RASL12: variants seen among roughly 807,000 people sequenced by gnomAD.
RASL12 encodes the protein ras-like protein family member 12.
A neutral mutation model predicts 22.9 loss-of-function variants in RASL12; 16 were observed. The observed-to-expected ratio is 0.70, with a 90% confidence interval of 0.47 to 1.06. The LOEUF is 1.06. RASL12 is among the 50% of genes least tolerant of loss of function. The probability of loss-of-function intolerance (pLI) is 0.00; values close to 1 mark genes in which losing one functional copy is unlikely to be tolerated. For synonymous variants in RASL12, 159 were observed against 152.2 expected (o/e 1.04, Z -0.33); for missense variants, 306 against 353.1 (o/e 0.87, Z 1.07).
In RASL12 at chr15:65,054,714, G is replaced by A. The variant is rs1206868353; in HGVS notation, c.*185C>T. The A allele has an allele frequency of 3.1e-5, 44 of 1,424,760 alleles. No individual in the cohort carries two copies. The East Asian group carries it at 1.1e-3, about 36-fold the overall frequency. 88.3% of individuals were successfully genotyped at this position (1,424,760 alleles called of 1,614,324 possible). ...TTACCATGAAGACCAAGGCCTGGAGGGAACAGAAGCAGCATCCCTGCCTGC... is the reference window on the plus strand; with the variant it reads ...TTACCATGAAGACCAAGGCCTGGAGAGAACAGAAGCAGCATCCCTGCCTGC... On this transcript the variant is annotated 3_prime_UTR_variant, in exon 5 of 5. Coordinates refer to ENST00000220062, the MANE Select transcript of RASL12 (RefSeq NM_016563.4).
chr15:65,068,476 C>T (rs543421347), upstream of RASL12, among the ~76,000 whole-genome samples: 1 of 152,292 alleles, frequency 6.6e-6, no homozygotes, highest in East Asian at 1.9e-4. This position sits in a 1 kb window ranked among gnomAD's most constrained non-coding sequence, Gnocchi z 4.2. Context: ...CACTGCAGAA[C>T]CCATTCGGAA....
intron 1 of RASL12, chr15:65,076,486 G>C (rs1366058054): frequency 1.0e-5 from 7 of 670,978 alleles, no homozygotes; most frequent in Non-Finnish European, 2.7e-6. Flanking sequence ...ACATCAGAAA[G>C]GACAGACTCC....
chr15:65,071,158 G>C (rs1327797615), upstream of RASL12, among the ~76,000 whole-genome samples: 1 of 152,226 alleles, frequency 6.6e-6, no homozygotes, highest in Non-Finnish European at 1.5e-5. Flanking sequence ...TAGCGCCCCA[G>C]AGAGTCTACT....
At chr15:65,075,029 G>A (rs1274940257) in intron 1 of RASL12, among the ~76,000 whole-genome samples, 1 of 152,238 alleles carries the variant, frequency 6.6e-6, no homozygotes, top group East Asian at 1.9e-4. Flanking sequence ...TGGAGGGAGA[G>A]GCGCGAGCGG....
At position 65,055,181 on chromosome 15, in the gene RASL12, C is replaced by T. The variant is rs1193593794; in HGVS notation, c.519G>A (p.Gln173=). ...VSACLDFEHV[Q]HVFHEAVREA... ...CTCGCACTGCCTCGTGGAAGACATG[C>T]TGCACGTGCTCAAAGTCCAGACAGG... Residue 173 remains glutamine, a synonymous_variant, in exon 5 of 5, where the codon CAG becomes CAA. Transcript: ENST00000220062. 6.2e-7 allele frequency: 1 copy of T among 1,612,474 alleles called. No individual in the cohort carries two copies.
At chr15:65,046,520 TGAG>T in the RASL12 span, among the ~76,000 whole-genome samples, 48 of 152,336 alleles carry the variant, frequency 3.2e-4, no homozygotes, top group African/African-American at 1.2e-3. Context: ...CTAACATAGC[TGAG>T]GAGGGCTGAC....
At chr15:65,058,709 C>T (rs564099240) in intron 3 of RASL12, 92 bp from the exon 4 acceptor site, 86 of 938,936 alleles carry the variant, frequency 9.2e-5, no homozygotes, top group Non-Finnish European at 1.1e-4. Flanking sequence ...CCCCACTCCC[C>T]GGTCTTTGTA....
In RASL12 at chr15:65,059,414, G is replaced by A; in HGVS notation, c.165C>T (p.Asp55=). The A allele has an allele frequency of 2.5e-6, 4 of 1,613,596 alleles. No homozygotes were observed. The highest frequency in any genetic ancestry group is 1.7e-5 in the Admixed American group (1 of 60,030). Residue 55 remains aspartate (D), a synonymous_variant, in exon 3 of 5, where the codon GAC becomes GAT. Transcript: ENST00000220062. ...CCACAGTCTCCTCGGAGCTGTAGGT[G>A]TCCTCTACAACACAGATGGTTAGCC... ...FISEYDPNLE[D]TYSSEETVDH...
chr15:65,053,286 C>G (rs2086680337), downstream of RASL12: 2 of 1,068,172 alleles, frequency 1.9e-6, no homozygotes, highest in East Asian at 6.9e-5. Flanking sequence ...TTCTTTCTTT[C>G]TTTTTTTTTT....
intron 2 of RASL12, among the ~76,000 whole-genome samples, chr15:65,064,481 C>T (rs772179991): frequency 2.1e-4 from 32 of 152,074 alleles, no homozygotes; most frequent in African/African-American, 5.3e-4. Context: ...TTTTCTCATA[C>T]GGTTAAAAAA....
chr15:65,059,149 G>C (rs1378409804), intron 3 of RASL12, among the ~76,000 whole-genome samples, 196 bp downstream of exon 3: 1 of 152,336 alleles, frequency 6.6e-6, no homozygotes, highest in East Asian at 1.9e-4. Flanking sequence ...GTCTCTCCAG[G>C]CCCTGTCCCA....
In RASL12 at chr15:65,055,134, TTCTCCAGCTCCCGCCGTGCC is replaced by T; in HGVS notation, c.546_565del (p.Ala183GlufsTer86). 1 of 1,611,312 alleles carries T rather than the reference TTCTCCAGCTCCCGCCGTGCC, an allele frequency of 6.2e-7. No individual in the cohort carries two copies. Among genetic ancestry groups the T allele is most frequent in the Non-Finnish European group, 8.5e-7 (1 of 1,179,196 alleles). Reference sequence around the variant, plus strand: ...GAAGAGGGGCCGGGTCAGGGGGCTCTTCTCCAGCTCCCGCCGTGCCTCTCGCACTGCCTCGTGGAAGACAT... The same window carrying T: ...GAAGAGGGGCCGGGTCAGGGGGCTCTTCTCGCACTGCCTCGTGGAAGACAT... On this transcript the variant is annotated frameshift_variant, in exon 5 of 5. Transcript: ENST00000220062. LOFTEE classifies it high-confidence loss of function.
the RASL12 span, among the ~76,000 whole-genome samples, chr15:65,046,882 C>T: frequency 6.6e-6 from 1 of 151,886 alleles, no homozygotes; most frequent in Admixed American, 6.6e-5. Context: ...CATTGCACTC[C>T]AGCCTGGGTG....
chr15:65,072,645 T>A (rs1309622464), upstream of RASL12, among the ~76,000 whole-genome samples: 1 of 152,190 alleles, frequency 6.6e-6, no homozygotes, highest in Non-Finnish European at 1.5e-5. Context: ...GCTCCACTTT[T>A]GGACCCATAG....
intron 2 of RASL12, among the ~76,000 whole-genome samples, chr15:65,064,594 T>G (rs1258886825): frequency 1.3e-4 from 19 of 151,218 alleles, no homozygotes; most frequent in Admixed American, 1.2e-3. Context: ...TACCTATTTG[T>G]TTTTGAGTTT....
chr15:65,065,150 G>A, intron 2 of RASL12, 67 bp downstream of exon 2: 2 of 1,501,840 alleles, frequency 1.3e-6, no homozygotes, highest in Non-Finnish European at 1.8e-6. Context: ...CCACCCACGG[G>A]GTGGGTCCCA....
At chr15:65,056,689 C>G (rs2086736189) in intron 4 of RASL12, among the ~76,000 whole-genome samples, 1 of 152,128 alleles carries the variant, frequency 6.6e-6, no homozygotes, top group Admixed American at 6.5e-5. Context: ...AAGCATCAAC[C>G]TAACCGACAT....
chr15:65,059,535 G>A, intron 2 of RASL12, 117 bp from the exon 3 acceptor site: 1 of 759,970 alleles, frequency 1.3e-6, no homozygotes, highest in Non-Finnish European at 2.3e-6. Flanking sequence ...TCTGGGGCTG[G>A]GACCACTGGA....
chr15:65,074,214 C>A (rs1256579554), intron 1 of RASL12, among the ~76,000 whole-genome samples: 2 of 137,340 alleles, frequency 1.5e-5, no homozygotes, highest in Admixed American at 1.5e-4. Context: ...TGTTCTCCAA[C>A]CTGCCTGTCC....
Sources: allele counts gnomAD v4.1 joint callset (sites outside exome capture counted in the v4.1 genomes callset), GRCh38; gene constraint gnomAD v4.1.1; non-coding constraint Gnocchi (gnomAD v3.1); transcripts MANE v1.5; gene names NCBI Gene and HGNC (gene_info 2026-07-23, HGNC 2026-07-21).